SDC3: variants seen among roughly 807,000 people sequenced by gnomAD.
SDC3 encodes syndecan-3.
A neutral mutation model predicts 24.4 loss-of-function variants in SDC3; 13 were observed. The ratio of observed to expected loss-of-function variants is 0.53; its 90% CI spans 0.35 to 0.85. The LOEUF is 0.85. Ranked by LOEUF, SDC3 falls within the 40% of genes least tolerant of loss-of-function variation. The probability of loss-of-function intolerance (pLI) is 0.01; values close to 1 mark genes in which losing one functional copy is unlikely to be tolerated. For missense variants in SDC3, 571 were observed against 584.5 expected (o/e 0.98, Z 0.24); for synonymous variants, 295 against 260.9 (o/e 1.13, Z -1.26).
chr1:30,876,613 A>G lies in SDC3; in HGVS notation c.809T>C (p.Ile270Thr). 6.4e-7 allele frequency: 1 copy of G among 1,561,530 alleles called. No individual in the cohort carries two copies. The highest frequency in any genetic ancestry group is 2.2e-5 in the East Asian group (1 of 44,466). The change falls in exon 3 of 5, where the codon ATC becomes ACC. Residue 270 changes from isoleucine to threonine, a missense_variant. By Grantham distance (89) the Ile-to-Thr change is moderately conservative. Coordinates refer to ENST00000339394, the MANE Select transcript of SDC3 (RefSeq NM_014654.4). ...PRPATTQEPD[I>T]PERSTLPLGT... ...CAGGGGCAGGGTGCTCCTCTCAGGG[A>G]TGTCAGGCTCCTGGGTGGTGGCCGG...
Position 30,876,541 on chromosome 1 carries a change from A to C in SDC3, c.870+11T>G. 2 of 1,501,500 alleles carry C rather than the reference A, an allele frequency of 1.3e-6. No individual in the cohort carries two copies. The highest frequency in any genetic ancestry group is 8.9e-7 in the Non-Finnish European group (1 of 1,125,006). 93.0% of individuals were successfully genotyped at this position (1,501,500 alleles called of 1,614,324 possible). A position where few individuals can be genotyped will look rare whatever the true frequency, so the allele number is the denominator to read the frequency against. On this transcript the variant is annotated intron_variant, in intron 3 of 4. Transcript: ENST00000339394. Reference sequence around the variant, plus strand: ...TCCGCCCTCCTCCCTGTCCCTTCTCAACACCCTCACCTGAGCCACCTCTGT... The same window carrying C: ...TCCGCCCTCCTCCCTGTCCCTTCTCCACACCCTCACCTGAGCCACCTCTGT...
chr1:30,899,891 C>T (rs1249719395), intron 1 of SDC3, among the ~76,000 whole-genome samples: 1 of 152,218 alleles, frequency 6.6e-6, no homozygotes, highest in Non-Finnish European at 1.5e-5. Context: ...GCTTCATATA[C>T]AGCAGGTGCT....
Position 30,876,628 on chromosome 1 carries a change from G to A in SDC3, c.794C>T (p.Thr265Ile), listed in dbSNP as rs765226447. The A allele has an allele frequency of 2.5e-6, 4 of 1,576,902 alleles. No individual in the cohort carries two copies. The highest frequency in any genetic ancestry group is 4.5e-5 in the East Asian group (2 of 44,582). ...RPRALPRPAT[T>I]QEPDIPERST... ...CCTCTCAGGGATGTCAGGCTCCTGG[G>A]TGGTGGCCGGCCTGGGAAGGGCTCT... Residue 265 changes from threonine to isoleucine, a missense_variant, in exon 3 of 5, where the codon ACC becomes ATC. By Grantham distance (89) the Thr-to-Ile change is moderately conservative. Coordinates refer to ENST00000339394, the MANE Select transcript of SDC3 (RefSeq NM_014654.4).
At chr1:30,904,798 C>A (rs1638483696) in intron 1 of SDC3, among the ~76,000 whole-genome samples, 1 of 152,178 alleles carries the variant, frequency 6.6e-6, no homozygotes, top group South Asian at 2.1e-4. Context: ...AGGAAGCCTT[C>A]CCTGACCCCA....
chr1:30,874,466 A>G lies in SDC3; in HGVS notation c.993T>C (p.Asn331=), dbSNP rs370440610. The G allele has an allele frequency of 6.2e-7, 1 of 1,614,086 alleles. No homozygotes were observed. Among genetic ancestry groups the G allele is most frequent in the Non-Finnish European group, 8.5e-7 (1 of 1,179,996 alleles). Residue 331 remains asparagine, a synonymous_variant, in exon 4 of 5, where the codon AAT becomes AAC. Transcript: ENST00000339394. The part of the protein sequence containing the change: ...EEETTQPDTA[N]EVVAVGGAAA... Reference sequence around the variant, plus strand: ...CAGCCCCTCCCACAGCTACCACCTCATTGGCTGTGTCTGGTTGTGTGGTCT... The same window carrying G: ...CAGCCCCTCCCACAGCTACCACCTCGTTGGCTGTGTCTGGTTGTGTGGTCT...
chr1:30,904,367 C>A (rs1018928436), intron 1 of SDC3, among the ~76,000 whole-genome samples: 1 of 152,056 alleles, frequency 6.6e-6, no homozygotes, highest in Non-Finnish European at 1.5e-5. Flanking sequence ...TGGGATGAGC[C>A]CCCCCTCGCT....
chr1:30,904,792 A>C (rs956512176), intron 1 of SDC3, among the ~76,000 whole-genome samples: 1 of 152,160 alleles, frequency 6.6e-6, no homozygotes, highest in African/African-American at 2.4e-5. Flanking sequence ...TCCTCCAGGA[A>C]GCCTTCCCTG....
rs796564682 is a variant in SDC3, at chr1:30,869,562, CA to C, written c.*3648del. ...AAAAAAAAAAAAAAAAAAAAAAAAA[CA>C]AAAACAAAACCAGTTCCTTCACAAG... On this transcript the variant is annotated 3_prime_UTR_variant, in exon 5 of 5. Transcript: ENST00000339394. 2.2e-5 allele frequency: 7 copies of C among 311,616 alleles called. No individual in the cohort carries two copies. Among genetic ancestry groups the C allele is most frequent in the Admixed American group, 1.1e-4 (2 of 17,924 alleles). The allele number at this position is 311,616 out of a possible 1,614,324, so 19.3% of individuals were successfully genotyped here.
chr1:30,887,412 C>A lies in SDC3; in HGVS notation c.139-8672G>T, dbSNP rs371632952. On this transcript the variant is annotated intron_variant, in intron 1 of 4. Transcript: ENST00000339394. ...GGCCTCGCTCTGTCCTCCTATGAAA[C>A]GGGAATAATGATCCCCAACACACAG... 3.9e-4 allele frequency among the ~76,000 whole-genome samples: 60 copies of A among 152,228 alleles called. No individual in the cohort carries two copies. The South Asian group carries it at 0.012, about 29-fold the overall frequency.
intron 1 of SDC3, among the ~76,000 whole-genome samples, chr1:30,893,512 G>A (rs1402160003): frequency 6.6e-6 from 1 of 151,838 alleles, no homozygotes. Flanking sequence ...CACCCTTAAT[G>A]CCCAGCTCAC....
Position 30,873,297 on chromosome 1 carries a change from CCT to C in SDC3, c.1241_1242del (p.Lys414ArgfsTer2). On this transcript the variant is annotated frameshift_variant, in exon 5 of 5. Coordinates refer to ENST00000339394, the MANE Select transcript of SDC3 (RefSeq NM_014654.4). LOFTEE classifies it high-confidence loss of function. The part of the protein sequence containing the change: ...VTLLIYRMKK[K>X]DEGSYTLEEP... Reference sequence around the variant, plus strand: ...TCCTCCAGCGTGTAGCTGCCCTCATCCTTTTTCTTCATACGATAGATGAGCAG... The same window carrying C: ...TCCTCCAGCGTGTAGCTGCCCTCATCTTTTCTTCATACGATAGATGAGCAG... 1 of 1,613,046 alleles carries C rather than the reference CCT, an allele frequency of 6.2e-7. No homozygotes were observed.
chr1:30,871,383 C>A lies in SDC3; in HGVS notation c.*1828G>T, dbSNP rs1042401084. ...TCCAAGAGGCCCCCTGCCAAGCACA[C>A]CCTCCCCAAAAGATCTGTGACCCCA... On this transcript the variant is annotated 3_prime_UTR_variant, in exon 5 of 5. Coordinates refer to ENST00000339394, the MANE Select transcript of SDC3 (RefSeq NM_014654.4). The A allele has an allele frequency of 2.0e-5, 3 of 152,272 alleles. No individual in the cohort carries two copies. In the East Asian group the frequency reaches 5.8e-4, roughly 29 times the overall value. The allele number at this position is 152,272 out of a possible 1,614,324, so 9.4% of individuals were successfully genotyped here. A position where few individuals can be genotyped will look rare whatever the true frequency, so the allele number is the denominator to read the frequency against.
Position 30,869,631 on chromosome 1 carries a change from C to T in SDC3, c.*3580G>A, listed in dbSNP as rs1239586647. The T allele has an allele frequency of 2.5e-6, 1 of 396,982 alleles. No individual in the cohort carries two copies. The highest frequency in any genetic ancestry group is 4.4e-6 in the Non-Finnish European group (1 of 225,540). 24.6% of individuals were successfully genotyped at this position (396,982 alleles called of 1,614,324 possible). On this transcript the variant is annotated 3_prime_UTR_variant, in exon 5 of 5. Coordinates refer to ENST00000339394, the MANE Select transcript of SDC3 (RefSeq NM_014654.4). ...CCCGCAGTGGGGCAGGCGCCTTGGTCTCTTTTTTCCACTGTCTTTTTCTTT... is the reference window on the plus strand; with the variant it reads ...CCCGCAGTGGGGCAGGCGCCTTGGTTTCTTTTTTCCACTGTCTTTTTCTTT...
Position 30,873,251 on chromosome 1 carries a change from G to C in SDC3, c.1289C>G (p.Thr430Arg), listed in dbSNP as rs551426902. 3 of 1,613,762 alleles carry C rather than the reference G, an allele frequency of 1.9e-6. No homozygotes were observed. In the East Asian group the frequency reaches 6.7e-5, roughly 36 times the overall value. ...TLEEPKQASVTYQKPDKQEEF... is the reference protein window; with the variant it reads ...TLEEPKQASVRYQKPDKQEEF... ...CTCCTGCTTGTCAGGCTTCTGGTAT[G>C]TGACGCTCGCCTGCTTGGGTTCCTC... is the stretch of plus-strand genomic sequence containing the variant. Residue 430 changes from threonine (T) to arginine (R), a missense_variant, in exon 5 of 5, where the codon ACA becomes AGA. Thr to Arg is a moderately conservative substitution (Grantham distance 71). Coordinates refer to ENST00000339394, the MANE Select transcript of SDC3 (RefSeq NM_014654.4).
In SDC3 at chr1:30,893,309, C is replaced by A. The variant is rs895369074; in HGVS notation, c.139-14569G>T. ...CCCACCCCACCCACCAGGAGCCCCC[C>A]CCCCCCCCACCATGTCTCATGACCA... On this transcript the variant is annotated intron_variant, in intron 1 of 4. Coordinates refer to ENST00000339394, the MANE Select transcript of SDC3 (RefSeq NM_014654.4). 4.2e-5 allele frequency among the ~76,000 whole-genome samples: 5 copies of A among 117,700 alleles called. 1 individual carries two copies. Among genetic ancestry groups the A allele is most frequent in the Non-Finnish European group, 7.4e-5 (4 of 54,128 alleles). The allele number at this position is 117,700 out of a possible 152,430, so 77.2% of individuals were successfully genotyped here. A position where few individuals can be genotyped will look rare whatever the true frequency, so the allele number is the denominator to read the frequency against.
intron 1 of SDC3, among the ~76,000 whole-genome samples, chr1:30,903,921 C>T (rs911386017): frequency 6.6e-6 from 1 of 151,960 alleles, no homozygotes; most frequent in African/African-American, 2.4e-5. Flanking sequence ...TCAGTTTTCT[C>T]CTCTGTAAAA....
intron 1 of SDC3, among the ~76,000 whole-genome samples, chr1:30,884,199 C>G (rs1406401242): frequency 6.6e-6 from 1 of 152,094 alleles, no homozygotes; most frequent in African/African-American, 2.4e-5. Context: ...GGCTATGGAG[C>G]CCAAGTCCCA....
At chr1:30,880,259 G>A (rs946103172) in intron 1 of SDC3, among the ~76,000 whole-genome samples, 1 of 151,866 alleles carries the variant, frequency 6.6e-6, no homozygotes, top group Admixed American at 6.6e-5. Context: ...TGGTACAGGA[G>A]AGGGAGAGAT....
rs11338317 is a variant in SDC3 at position 30,869,536 on chromosome 1, C to CAAA, written c.*3672_*3674dup. On this transcript the variant is annotated 3_prime_UTR_variant, in exon 5 of 5. Coordinates refer to ENST00000339394, the MANE Select transcript of SDC3 (RefSeq NM_014654.4). The stretch of plus-strand genomic sequence containing the variant: ...AGGAAGTGTTAAAAAAACAAACAAA[C>CAAA]AAAAAAAAAAAAAAAAAAAAAAAAA... The CAAA allele has an allele frequency of 1.6e-4, 54 of 348,074 alleles. No individual in the cohort carries two copies. The highest frequency in any genetic ancestry group is 3.1e-4 in the South Asian group (2 of 6,516). The allele number at this position is 348,074 out of a possible 1,614,324, so 21.6% of individuals were successfully genotyped here.
Sources: gnomAD v4.1 joint callset for allele counts (sites outside exome capture counted in the v4.1 genomes callset) on GRCh38, gnomAD v4.1.1 for gene constraint, MANE v1.5 for transcripts, NCBI Gene and HGNC (gene_info 2026-07-23, HGNC 2026-07-21) for gene names.